The following DNAJC15 variants were observed in gnomAD, a reference collection of about 807,000 sequenced individuals.
DNAJC15 encodes the protein dnaJ homolog subfamily C member 15.
DNAJC15 carries 27 observed loss-of-function variants against 22.4 expected under a neutral mutation model. The observed-to-expected ratio is 1.20, with a 90% CI of 0.89 to 1.66. The LOEUF (loss-of-function observed/expected upper bound fraction) is 1.66. DNAJC15 is among the 40% of genes most tolerant of loss of function. The pLI, the probability that DNAJC15 is intolerant of heterozygous loss-of-function variation, is 0.00. For missense variants in DNAJC15, 208 were observed against 187.1 expected (o/e 1.11, Z -0.65); for synonymous variants, 79 against 63.2 (o/e 1.25, Z -1.19).
At chr13:43,045,075 C>T (rs1467132807) in intron 1 of DNAJC15, among the ~76,000 whole-genome samples, 1 of 152,124 alleles carries the variant, frequency 6.6e-6, no homozygotes, top group East Asian at 1.9e-4. Context: ...GATCTGCTCC[C>T]CTTGTGACCT....
rs1228315686 is a variant in DNAJC15, at chr13:43,113,323, T to C, written c.*6075T>C. On this transcript the variant is annotated 3_prime_UTR_variant, in exon 6 of 6. Transcript: ENST00000379221. ...TTGAAAGGGAATTTCAGTACTTTTA[T>C]AGAATTCTTAAAAATTGTTTCCTGC... The C allele has an allele frequency of 2.0e-5, 3 of 152,242 alleles. No individual in the cohort carries two copies. The highest frequency in any genetic ancestry group is 2.9e-5 in the Non-Finnish European group (2 of 68,046). The allele number at this position is 152,242 out of a possible 1,614,324, so 9.4% of individuals were successfully genotyped here.
At chr13:43,060,830 A>C (rs1271421892) in intron 1 of DNAJC15, among the ~76,000 whole-genome samples, 2 of 152,192 alleles carry the variant, frequency 1.3e-5, no homozygotes, top group Non-Finnish European at 2.9e-5. Context: ...GTCTGACAGA[A>C]GGGAAGAAAT....
At chr13:43,054,687 T>C (rs1195238245) in intron 1 of DNAJC15, among the ~76,000 whole-genome samples, 1 of 152,222 alleles carries the variant, frequency 6.6e-6, no homozygotes, top group Non-Finnish European at 1.5e-5. Flanking sequence ...CTAGTTTCTC[T>C]GTGTAAGGGT....
At chr13:43,078,060 A>T (rs1250230433) in intron 3 of DNAJC15, among the ~76,000 whole-genome samples, 1 of 152,174 alleles carries the variant, frequency 6.6e-6, no homozygotes, top group African/African-American at 2.4e-5. Context: ...TCCATTGTTT[A>T]CAAGGCCATC....
At chr13:43,057,547 T>C (rs2040537637) in intron 1 of DNAJC15, among the ~76,000 whole-genome samples, 1 of 152,228 alleles carries the variant, frequency 6.6e-6, no homozygotes, top group South Asian at 2.1e-4. Flanking sequence ...CACTTTTCTT[T>C]GGTGCCTCCT....
chr13:43,111,385 A>G lies in DNAJC15; in HGVS notation c.*4137A>G, dbSNP rs2153442696. On this transcript the variant is annotated 3_prime_UTR_variant, in exon 6 of 6. Coordinates refer to ENST00000379221, the MANE Select transcript of DNAJC15 (RefSeq NM_013238.3). ...AATTAACAAGACATATAAGAGTTGCATTAATGGGCGTGCTTATGATTGATC... is the reference window on the plus strand; with the variant it reads ...AATTAACAAGACATATAAGAGTTGCGTTAATGGGCGTGCTTATGATTGATC... 1 of 152,330 alleles carries G rather than the reference A, an allele frequency of 6.6e-6. No individual in the cohort carries two copies. The highest frequency in any genetic ancestry group is 1.5e-5 in the Non-Finnish European group (1 of 68,020). The allele number at this position is 152,330 out of a possible 1,614,324, so 9.4% of individuals were successfully genotyped here.
chr13:43,055,509 C>T (rs2040526296), intron 1 of DNAJC15, among the ~76,000 whole-genome samples: 1 of 152,198 alleles, frequency 6.6e-6, no homozygotes, highest in African/African-American at 2.4e-5. Context: ...GTGTTCGCGA[C>T]CTCCGTCTCC....
intron 1 of DNAJC15, among the ~76,000 whole-genome samples, chr13:43,046,951 A>G (rs935551716): frequency 3.3e-5 from 5 of 152,114 alleles, no homozygotes; most frequent in East Asian, 1.9e-4. Context: ...CGAGCTGAAC[A>G]CTGGTTGCTG....
In DNAJC15 at chr13:43,026,521, T is replaced by C. The variant is rs150543450; in HGVS notation, c.108+2787T>C. Among the ~76,000 whole-genome samples the C allele has an allele frequency of 1.0e-3, 156 of 152,212 alleles. 1 individual carries two copies. The highest frequency in any genetic ancestry group is 4.8e-3 in the Admixed American group (73 of 15,284). On this transcript the variant is annotated intron_variant, in intron 1 of 5. Transcript: ENST00000379221. ...TGTTGGTCCAGGCAATGACCAATAA[T>C]GAGGCAGAAGATTGTTGATAATAAC...
intron 1 of DNAJC15, among the ~76,000 whole-genome samples, chr13:43,054,325 G>A (rs1238220287): frequency 6.6e-6 from 1 of 152,086 alleles, no homozygotes; most frequent in African/African-American, 2.4e-5. Context: ...GAGGTTTTTT[G>A]CATCTATGTT....
intron 1 of DNAJC15, among the ~76,000 whole-genome samples, chr13:43,042,534 C>G (rs981478625): frequency 6.6e-6 from 1 of 152,248 alleles, no homozygotes; most frequent in South Asian, 2.1e-4. Flanking sequence ...GGGGATATGA[C>G]TCAAGTGCTC....
rs572902289 is a variant in DNAJC15 at position 43,075,919 on chromosome 13, G to T, written c.235-2693G>T. Among the ~76,000 whole-genome samples the T allele has an allele frequency of 2.2e-4, 33 of 152,174 alleles. 1 individual carries two copies. The South Asian group carries it at 6.6e-3, about 31-fold the overall frequency. ...GAGGTGATCCGCCCGCCTCAGCCTCGCAAAGTGCTGGGATTACAGGCGTGA... is the reference window on the plus strand; with the variant it reads ...GAGGTGATCCGCCCGCCTCAGCCTCTCAAAGTGCTGGGATTACAGGCGTGA... On this transcript the variant is annotated intron_variant, in intron 3 of 5. Transcript: ENST00000379221.
intron 3 of DNAJC15, among the ~76,000 whole-genome samples, chr13:43,072,557 A>G (rs1411180859): frequency 6.7e-6 from 1 of 148,794 alleles, no homozygotes; most frequent in African/African-American, 2.5e-5. Flanking sequence ...TTTTTCATCT[A>G]TCCACCGAAT....
intron 1 of DNAJC15, among the ~76,000 whole-genome samples, chr13:43,047,736 A>T (rs1434965899): frequency 6.6e-6 from 1 of 152,190 alleles, no homozygotes; most frequent in African/African-American, 2.4e-5. Flanking sequence ...TTCAGGTGTG[A>T]AGGAGTAGAA....
chr13:43,058,717 C>T (rs1263329293), intron 1 of DNAJC15, among the ~76,000 whole-genome samples: 1 of 152,192 alleles, frequency 6.6e-6, no homozygotes, highest in Non-Finnish European at 1.5e-5. Flanking sequence ...TACCTGTGGT[C>T]CTTCCCTAAT....
chr13:43,088,605 T>C (rs569404504), intron 5 of DNAJC15, among the ~76,000 whole-genome samples: 67 of 152,354 alleles, frequency 4.4e-4, no homozygotes, highest in African/African-American at 1.6e-3. Flanking sequence ...AGTGTTTAAG[T>C]CAAAATTAAA....
rs2040821704 is a variant in DNAJC15, at chr13:43,110,891, G to A, written c.*3643G>A. The A allele has an allele frequency of 2.0e-5, 3 of 152,216 alleles. No homozygotes were observed. In the South Asian group the frequency reaches 6.2e-4, roughly 31 times the overall value. The allele number at this position is 152,216 out of a possible 1,614,324, so 9.4% of individuals were successfully genotyped here. On this transcript the variant is annotated 3_prime_UTR_variant, in exon 6 of 6. Coordinates refer to ENST00000379221, the MANE Select transcript of DNAJC15 (RefSeq NM_013238.3). ...AAAAAGCTTATTTGAGTGGTTACCT[G>A]TCTTCAGTAAAGATTGCGCTTGCAT...
chr13:43,028,617 T>C (rs1544294), intron 1 of DNAJC15, among the ~76,000 whole-genome samples: 6,542 of 152,214 alleles, frequency 0.043, 373 homozygotes, highest in East Asian at 0.15. Flanking sequence ...TACTGATCCT[T>C]AAATGACATA....
At chr13:43,107,104 T>C (rs1052226406) in intron 5 of DNAJC15, 74 bp from the exon 6 acceptor site, 2 of 1,192,630 alleles carry the variant, frequency 1.7e-6, no homozygotes, top group Non-Finnish European at 2.3e-6. Flanking sequence ...AAAAAGAGTA[T>C]TTTTATATTT....
Sources: allele counts gnomAD v4.1 joint callset (sites outside exome capture counted in the v4.1 genomes callset), GRCh38; gene constraint gnomAD v4.1.1; transcripts MANE v1.5; gene names NCBI Gene and HGNC (gene_info 2026-07-23, HGNC 2026-07-21).